CFAP299: variants seen among roughly 807,000 people sequenced by gnomAD.
The protein encoded by CFAP299 is cilia and flagella associated protein 299.
A neutral mutation model predicts 27.0 loss-of-function variants in CFAP299; 21 were observed. That is an observed-to-expected ratio of 0.78 (90% CI 0.55 to 1.12). The LOEUF is 1.12. CFAP299 is among the 50% of genes most tolerant of loss of function. CFAP299 has a pLI of 0.00. For missense variants in CFAP299, 310 were observed against 276.6 expected, an observed-to-expected ratio of 1.12 and a Z score of -0.86; for synonymous variants, 104 against 98.1, an observed-to-expected ratio of 1.06 and a Z score of -0.36.
intron 3 of CFAP299, among the ~76,000 whole-genome samples, chr4:80,861,102 G>A (rs917344540): frequency 6.6e-6 from 1 of 152,220 alleles, no homozygotes; most frequent in African/African-American, 2.4e-5. Context: ...ACCTAAGCAA[G>A]CCTGGACAAT....
intron 2 of CFAP299, among the ~76,000 whole-genome samples, chr4:80,469,460 A>G (rs1729875991): frequency 6.6e-6 from 1 of 152,238 alleles, no homozygotes; most frequent in Non-Finnish European, 1.5e-5. Flanking sequence ...TGGGGATATT[A>G]ACAGTATGTA....
chr4:80,690,219 C>T (rs1447355437), intron 3 of CFAP299, among the ~76,000 whole-genome samples: 1 of 150,956 alleles, frequency 6.6e-6, no homozygotes, highest in Non-Finnish European at 1.5e-5. Context: ...GAACTCTCCA[C>T]CCCAAATCAA....
Position 80,799,779 on chromosome 4 carries a change from ATATATTATATAT to A in CFAP299, c.334-70202_334-70191del, listed in dbSNP as rs1442476027. ...AATATATAAATATATTATATGATAT[ATATATTATATAT>A]TATATTATATAATATATAAATATAT... On this transcript the variant is annotated intron_variant, in intron 3 of 5. Transcript: ENST00000358105. Among the ~76,000 whole-genome samples, 29 of 44,826 alleles carry A rather than the reference ATATATTATATAT, an allele frequency of 6.5e-4. 2 individuals are homozygous for A. Among genetic ancestry groups the A allele is most frequent in the Non-Finnish European group, 9.6e-4 (26 of 27,004 alleles). The allele number at this position is 44,826 out of a possible 152,430, so 29.4% of individuals were successfully genotyped here.
At chr4:80,335,340 G>T (rs185809152), upstream of CFAP299, among the ~76,000 whole-genome samples, 951 of 151,894 alleles carry the variant, frequency 6.3e-3, 2 homozygotes, top group Middle Eastern at 0.024. Context: ...TATTATTGTC[G>T]TTGTCACAAC....
At chr4:80,495,426 T>C (rs892191394) in intron 2 of CFAP299, among the ~76,000 whole-genome samples, 8 of 152,226 alleles carry the variant, frequency 5.3e-5, no homozygotes, top group African/African-American at 1.2e-4. Context: ...GAATTATATG[T>C]ACCCATTTTC....
At chr4:80,697,056 T>C (rs1721142344) in intron 3 of CFAP299, among the ~76,000 whole-genome samples, 3 of 152,142 alleles carry the variant, frequency 2.0e-5, no homozygotes, top group Admixed American at 6.5e-5. Context: ...TCTTAAGAGT[T>C]ATTTCTGCTG....
At chr4:80,351,847 T>C (rs190863018) in intron 1 of CFAP299, among the ~76,000 whole-genome samples, 181 of 150,372 alleles carry the variant, frequency 1.2e-3, no homozygotes, top group African/African-American at 4.1e-3. Flanking sequence ...CTATTAATGT[T>C]AATACATTAA....
intron 3 of CFAP299, among the ~76,000 whole-genome samples, chr4:80,758,123 C>T (rs1220868301): frequency 1.3e-5 from 2 of 152,152 alleles, no homozygotes; most frequent in African/African-American, 4.8e-5. Context: ...AGTGTGACAG[C>T]CTTTTGCACC....
In CFAP299 at chr4:80,827,393, A is replaced by G. The variant is rs185329234; in HGVS notation, c.334-42600A>G. On this transcript the variant is annotated intron_variant, in intron 3 of 5. Transcript: ENST00000358105. ...TGGGATTTATTCTTTGAATAAAAGG[A>G]TGGCTTAAGCATGATCAACACAAAA... 3.3e-5 allele frequency among the ~76,000 whole-genome samples: 5 copies of G among 151,966 alleles called. No homozygotes were observed. In the East Asian group the frequency reaches 9.7e-4, roughly 29 times the overall value.
At chr4:80,744,785 C>A (rs1265384623) in intron 3 of CFAP299, among the ~76,000 whole-genome samples, 1 of 151,954 alleles carries the variant, frequency 6.6e-6, no homozygotes, top group Non-Finnish European at 1.5e-5. Context: ...TTAAAAGAAC[C>A]CAAATTACCT....
intron 3 of CFAP299, among the ~76,000 whole-genome samples, chr4:80,664,010 G>C (rs55884908): frequency 0.045 from 6,914 of 152,092 alleles, 548 homozygotes; most frequent in African/African-American, 0.16. Flanking sequence ...ATTTGTTTAA[G>C]TTCCTTGTAG....
At chr4:80,771,719 G>A (rs1166016824) in intron 3 of CFAP299, among the ~76,000 whole-genome samples, 2 of 152,096 alleles carry the variant, frequency 1.3e-5, no homozygotes, top group African/African-American at 4.8e-5. Flanking sequence ...TCCATCATGT[G>A]CTTTAAGGTG....
intron 3 of CFAP299, among the ~76,000 whole-genome samples, chr4:80,585,846 G>A (rs549629323): frequency 3.3e-5 from 5 of 152,230 alleles, no homozygotes; most frequent in Admixed American, 2.0e-4. Flanking sequence ...ATAAATGACA[G>A]AATGAATGGG....
At chr4:80,781,784 G>A (rs776370735) in intron 3 of CFAP299, among the ~76,000 whole-genome samples, 2 of 151,556 alleles carry the variant, frequency 1.3e-5, no homozygotes, top group Non-Finnish European at 2.9e-5. Context: ...AAAGGAAGTG[G>A]AACAAATGTA....
At chr4:80,791,027 T>G (rs1211095964) in intron 3 of CFAP299, among the ~76,000 whole-genome samples, 10 of 152,010 alleles carry the variant, frequency 6.6e-5, no homozygotes, top group Non-Finnish European at 1.2e-4. Flanking sequence ...TACATTTTCT[T>G]CCCCTAACAT....
chr4:80,542,966 C>A (rs961981286), intron 2 of CFAP299, among the ~76,000 whole-genome samples: 3 of 152,106 alleles, frequency 2.0e-5, no homozygotes, highest in African/African-American at 7.2e-5. Flanking sequence ...TTACAGAGTG[C>A]TGTTGCCAGT....
chr4:80,709,415 C>T (rs1473209111), intron 3 of CFAP299, among the ~76,000 whole-genome samples: 1 of 150,596 alleles, frequency 6.6e-6, no homozygotes, highest in African/African-American at 2.4e-5. Context: ...GTCAGAAACA[C>T]AGTTACAAAG....
At chr4:80,566,090 C>T (rs1348762838) in intron 2 of CFAP299, among the ~76,000 whole-genome samples, 1 of 152,014 alleles carries the variant, frequency 6.6e-6, no homozygotes, top group African/African-American at 2.4e-5. Flanking sequence ...CTGACTTTGG[C>T]CCAAGAACTC....
intron 2 of CFAP299, among the ~76,000 whole-genome samples, chr4:80,401,164 G>A (rs1726132523): frequency 6.6e-6 from 1 of 152,208 alleles, no homozygotes; most frequent in Non-Finnish European, 1.5e-5. Context: ...AACATTTGCA[G>A]CCTGACTATG....
Sources: gnomAD v4.1 joint callset for allele counts (sites outside exome capture counted in the v4.1 genomes callset) on GRCh38, gnomAD v4.1.1 for gene constraint, MANE v1.5 for transcripts, NCBI Gene and HGNC (gene_info 2026-07-23, HGNC 2026-07-21) for gene names.